The following DGKB variants were observed in gnomAD, a reference collection of about 807,000 sequenced individuals.
DGKB encodes 90 kDa diacylglycerol kinase.
DGKB carries 67 observed loss-of-function variants against 114.3 expected under a neutral mutation model. The observed-to-expected ratio is 0.59, with a 90% CI of 0.48 to 0.72. The LOEUF is 0.72. Among genes scored for constraint, DGKB ranks in the 30% least tolerant of loss-of-function variants. The pLI, the probability that DGKB is intolerant of heterozygous loss-of-function variation, is 0.00. For missense variants in DGKB, 907 were observed against 975.2 expected, an observed-to-expected ratio of 0.93 and a Z score of 0.93; for synonymous variants, 398 against 323.1, an observed-to-expected ratio of 1.23 and a Z score of -2.49.
At chr7:14,714,076 A>AACACACACAC (rs71004329) in intron 6 of DGKB, among the ~76,000 whole-genome samples, 2 of 147,656 alleles carry the variant, frequency 1.4e-5, no homozygotes, top group Non-Finnish European at 3.0e-5. Context: ...TACCTGTTGA[A>AACACACACAC]ACACACACAC....
At chr7:14,592,990 C>T (rs768265468) in intron 17 of DGKB, among the ~76,000 whole-genome samples, 1 of 151,904 alleles carries the variant, frequency 6.6e-6, no homozygotes, top group South Asian at 2.1e-4. Flanking sequence ...TTTGGGAAGA[C>T]ATTCCATGTG....
intron 20 of DGKB, among the ~76,000 whole-genome samples, chr7:14,561,073 C>A (rs922041518): frequency 2.0e-5 from 3 of 152,116 alleles, no homozygotes; most frequent in Non-Finnish European, 4.4e-5. Context: ...ATCCAAATCT[C>A]ACCTTGAATT....
chr7:14,218,591 T>C (rs570532585), intron 23 of DGKB, among the ~76,000 whole-genome samples: 4 of 152,154 alleles, frequency 2.6e-5, no homozygotes, highest in African/African-American at 9.6e-5. Flanking sequence ...AAGTGAATCC[T>C]GCCTACAATG....
chr7:14,330,866 G>C (rs1809604084), intron 23 of DGKB, among the ~76,000 whole-genome samples: 1 of 151,760 alleles, frequency 6.6e-6, no homozygotes, highest in Admixed American at 6.6e-5. Flanking sequence ...TGCTTTTATA[G>C]GATAGCCAAA....
chr7:14,165,772 A>G (rs910038066), intron 25 of DGKB, among the ~76,000 whole-genome samples: 3 of 152,154 alleles, frequency 2.0e-5, no homozygotes, highest in South Asian at 2.1e-4. Flanking sequence ...TCTTCTTACA[A>G]TGGTTTATGT....
intron 20 of DGKB, among the ~76,000 whole-genome samples, chr7:14,533,026 A>T (rs1052069535): frequency 4.0e-5 from 6 of 151,830 alleles, no homozygotes; most frequent in Admixed American, 6.6e-5. Flanking sequence ...TCCCATAACC[A>T]ACTCTAACGA....
chr7:14,919,224 T>C (rs924812024), intron 1 of DGKB, among the ~76,000 whole-genome samples: 1 of 152,068 alleles, frequency 6.6e-6, no homozygotes, highest in Non-Finnish European at 1.5e-5. Context: ...CAATATTTAC[T>C]ATACAGCTAC....
intron 16 of DGKB, among the ~76,000 whole-genome samples, chr7:14,610,097 A>G (rs909351435): frequency 6.6e-6 from 1 of 152,122 alleles, no homozygotes; most frequent in African/African-American, 2.4e-5. Context: ...TGTATTCACA[A>G]GAGCAAAGAC....
chr7:14,923,626 G>T (rs1200136757), intron 1 of DGKB, among the ~76,000 whole-genome samples: 1 of 151,800 alleles, frequency 6.6e-6, no homozygotes, highest in African/African-American at 2.4e-5. Context: ...TTGATATCTG[G>T]CATTCATTCT....
chr7:14,668,851 A>C (rs991511704), intron 13 of DGKB, among the ~76,000 whole-genome samples: 2 of 152,048 alleles, frequency 1.3e-5, no homozygotes, highest in African/African-American at 4.8e-5. Context: ...TCTGTACATC[A>C]CATTTGCCAA....
chr7:14,954,292 G>C (rs1786374795), intron 1 of DGKB, among the ~76,000 whole-genome samples: 1 of 151,988 alleles, frequency 6.6e-6, no homozygotes, highest in Non-Finnish European at 1.5e-5. Flanking sequence ...TCTTGGTAAA[G>C]GGGATGTAGA....
chr7:14,528,383 T>C (rs1486677847), intron 20 of DGKB, among the ~76,000 whole-genome samples: 4 of 152,086 alleles, frequency 2.6e-5, no homozygotes, highest in Non-Finnish European at 5.9e-5. Context: ...TCTACAATAA[T>C]TGCTCTGTAA....
chr7:14,218,829 CCAT>C (rs1245011287), intron 23 of DGKB, among the ~76,000 whole-genome samples: 1 of 151,736 alleles, frequency 6.6e-6, no homozygotes, highest in African/African-American at 2.4e-5. Flanking sequence ...TTATGTGCAA[CCAT>C]CATCACAGTA....
At chr7:14,457,024 T>A (rs1334571392) in intron 21 of DGKB, among the ~76,000 whole-genome samples, 2 of 152,130 alleles carry the variant, frequency 1.3e-5, no homozygotes, top group Non-Finnish European at 2.9e-5. Flanking sequence ...CTGTGCTGAA[T>A]CATAAAGTAG....
chr7:14,791,528 T>G (rs1840662928), intron 2 of DGKB, among the ~76,000 whole-genome samples: 1 of 111,562 alleles, frequency 9.0e-6, no homozygotes, highest in African/African-American at 7.1e-5. Flanking sequence ...TTTACCATTA[T>G]GTAGATGTTA....
At chr7:14,875,957 T>C (rs989605167) in intron 1 of DGKB, among the ~76,000 whole-genome samples, 2 of 152,136 alleles carry the variant, frequency 1.3e-5, no homozygotes, top group African/African-American at 4.8e-5. Flanking sequence ...AAGGAAATCA[T>C]CTCCTTACAC....
At chr7:14,580,537 A>T (rs1024179246) in intron 19 of DGKB, among the ~76,000 whole-genome samples, 1 of 152,196 alleles carries the variant, frequency 6.6e-6, no homozygotes, top group Non-Finnish European at 1.5e-5. Context: ...AATGAAAAGT[A>T]TAAAAATTAC....
intron 17 of DGKB, among the ~76,000 whole-genome samples, chr7:14,588,270 C>CT (rs927774235): frequency 1.3e-5 from 2 of 151,818 alleles, no homozygotes; most frequent in Middle Eastern, 3.4e-3. Context: ...TTTTGAATAA[C>CT]TTTTTTTTCA....
chr7:14,734,655 T>A (rs1045174994), intron 5 of DGKB, among the ~76,000 whole-genome samples: 2 of 152,188 alleles, frequency 1.3e-5, no homozygotes, highest in Non-Finnish European at 2.9e-5. Context: ...CTTCTTACTA[T>A]TTTTTGTTTG....
Sources: gnomAD v4.1 joint callset for allele counts (sites outside exome capture counted in the v4.1 genomes callset) on GRCh38, gnomAD v4.1.1 for gene constraint, MANE v1.5 for transcripts, NCBI Gene and HGNC (gene_info 2026-07-23, HGNC 2026-07-21) for gene names.